GADL1: variants seen among roughly 807,000 people sequenced by gnomAD.
GADL1 encodes GAD like acidic amino acid decarboxylase 1.
In GADL1, 71 loss-of-function variants were observed where a neutral mutation model predicts 69.5. The ratio of observed to expected loss-of-function variants is 1.02; its 90% CI spans 0.84 to 1.25. The LOEUF (loss-of-function observed/expected upper bound fraction) is 1.25, where lower values mean the gene tolerates loss of function less well. Ranked by LOEUF, GADL1 falls within the 50% of genes most tolerant of loss-of-function variation. The pLI, the probability that GADL1 is intolerant of heterozygous loss-of-function variation, is 0.00. For missense variants in GADL1, 737 were observed against 631.8 expected, an observed-to-expected ratio of 1.17 and a Z score of -1.79; for synonymous variants, 254 against 214.4, an observed-to-expected ratio of 1.18 and a Z score of -1.62.
At chr3:30,885,822 G>A (rs1172307289) in intron 1 of GADL1, among the ~76,000 whole-genome samples, 2 of 151,722 alleles carry the variant, frequency 1.3e-5, no homozygotes, top group Non-Finnish European at 2.9e-5. Context: ...GCCCAGGCTG[G>A]TTTCGAACTC....
At chr3:30,867,291 A>G (rs1698416621) in intron 1 of GADL1, among the ~76,000 whole-genome samples, 1 of 151,698 alleles carries the variant, frequency 6.6e-6, no homozygotes, top group Admixed American at 6.6e-5. Flanking sequence ...ATTCTGGGTG[A>G]CCTCTAAAGT....
At chr3:30,729,003 A>C (rs1695412966) in intron 14 of GADL1, among the ~76,000 whole-genome samples, 1 of 152,192 alleles carries the variant, frequency 6.6e-6, no homozygotes, top group African/African-American at 2.4e-5. Context: ...TCATCCTAGA[A>C]AAAAAGAAAG....
chr3:30,795,825 G>C (rs1303381020), intron 12 of GADL1, among the ~76,000 whole-genome samples: 2 of 152,126 alleles, frequency 1.3e-5, no homozygotes, highest in Admixed American at 6.5e-5. Flanking sequence ...CCCAGGAATA[G>C]ACTGTTGGAT....
At chr3:30,800,226 G>A (rs945411200) in intron 12 of GADL1, 11 of 153,314 alleles carry the variant, frequency 7.2e-5, no homozygotes, top group African/African-American at 2.7e-4. Flanking sequence ...ACATGGCTGG[G>A]GAGGCCTCAA....
intron 14 of GADL1, among the ~76,000 whole-genome samples, chr3:30,773,751 T>A (rs1343444730): frequency 6.6e-6 from 1 of 152,202 alleles, no homozygotes; most frequent in Non-Finnish European, 1.5e-5. Flanking sequence ...TATGAATGTC[T>A]TAGTAGCTTC....
At chr3:30,849,720 AAG>A (rs1251607927) in intron 6 of GADL1, among the ~76,000 whole-genome samples, 2 of 152,210 alleles carry the variant, frequency 1.3e-5, no homozygotes, top group East Asian at 1.9e-4. Context: ...CATTCAAAAA[AAG>A]AGATTCACAG....
intron 1 of GADL1, among the ~76,000 whole-genome samples, chr3:30,874,132 T>G (rs1337578203): frequency 2.0e-5 from 3 of 151,898 alleles, no homozygotes; most frequent in Admixed American, 2.0e-4. Flanking sequence ...AATTTCTTAG[T>G]GAAGTAGGTA....
At chr3:30,853,092 T>C (rs1422183666) in intron 4 of GADL1, among the ~76,000 whole-genome samples, 1 of 152,122 alleles carries the variant, frequency 6.6e-6, no homozygotes, top group Non-Finnish European at 1.5e-5. Context: ...CCTTTTGTTT[T>C]TTTCCTTCTA....
intron 1 of GADL1, among the ~76,000 whole-genome samples, chr3:30,863,302 A>G (rs954192037): frequency 1.3e-5 from 2 of 151,974 alleles, no homozygotes; most frequent in South Asian, 2.1e-4. Context: ...AAGCAGCACA[A>G]TGATTTGTTA....
chr3:30,793,613 T>G (rs1488059084), intron 12 of GADL1, among the ~76,000 whole-genome samples: 1 of 152,198 alleles, frequency 6.6e-6, no homozygotes, highest in East Asian at 1.9e-4. Flanking sequence ...AACATATTAG[T>G]ATTCTGGCTT....
intron 14 of GADL1, among the ~76,000 whole-genome samples, chr3:30,764,336 GA>G (rs1696216583): frequency 6.6e-6 from 1 of 151,732 alleles, no homozygotes; most frequent in Admixed American, 6.6e-5. Context: ...GACTCTAAGA[GA>G]AACCATGCAA....
chr3:30,884,851 CAT>C (rs35587022), intron 1 of GADL1, among the ~76,000 whole-genome samples: 24,167 of 151,878 alleles, frequency 0.16, 2,328 homozygotes, highest in Admixed American at 0.3. Flanking sequence ...TACTTAATAA[CAT>C]ATATTCTCTA....
At chr3:30,772,669 G>GT (rs1397308412) in intron 14 of GADL1, among the ~76,000 whole-genome samples, 1 of 152,144 alleles carries the variant, frequency 6.6e-6, no homozygotes, top group African/African-American at 2.4e-5. Flanking sequence ...GAGGTCAGGA[G>GT]TTTGAGACCA....
At chr3:30,826,932 A>G (rs1416416065) in intron 11 of GADL1, among the ~76,000 whole-genome samples, 1 of 151,894 alleles carries the variant, frequency 6.6e-6, no homozygotes, top group East Asian at 1.9e-4. Context: ...TAAAGTGCCA[A>G]CGTGGGATGG....
chr3:30,832,944 G>A (rs1407295294), intron 11 of GADL1, among the ~76,000 whole-genome samples: 1 of 151,932 alleles, frequency 6.6e-6, no homozygotes, highest in Non-Finnish European at 1.5e-5. Context: ...AACGCACAGG[G>A]CACTAACATA....
chr3:30,827,949 T>C (rs1697711050), intron 11 of GADL1, among the ~76,000 whole-genome samples: 1 of 151,884 alleles, frequency 6.6e-6, no homozygotes. Context: ...TTCCCCTTTT[T>C]CTGCTACATT....
intron 14 of GADL1, among the ~76,000 whole-genome samples, chr3:30,762,891 C>T (rs1696175575): frequency 6.6e-6 from 1 of 152,120 alleles, no homozygotes; most frequent in South Asian, 2.1e-4. Context: ...ATCTCCAGTT[C>T]ATCCATGTTT....
intron 14 of GADL1, among the ~76,000 whole-genome samples, chr3:30,771,707 G>A (rs1696423716): frequency 6.6e-6 from 1 of 152,160 alleles, no homozygotes. Context: ...AGACACAGGT[G>A]CTTTTAGTTC....
At chr3:30,788,205 A>C (rs1279590358) in intron 12 of GADL1, among the ~76,000 whole-genome samples, 1 of 152,234 alleles carries the variant, frequency 6.6e-6, no homozygotes, top group Non-Finnish European at 1.5e-5. Context: ...AAGTTATTCA[A>C]AATCAGTAAT....
Sources: gnomAD v4.1 joint callset for allele counts (sites outside exome capture counted in the v4.1 genomes callset) on GRCh38, gnomAD v4.1.1 for gene constraint, MANE v1.5 for transcripts, NCBI Gene and HGNC (gene_info 2026-07-23, HGNC 2026-07-21) for gene names.